CACNA1S: variants seen among roughly 807,000 people sequenced by gnomAD.
CACNA1S encodes voltage-dependent L-type calcium channel subunit alpha-1S.
Under a neutral mutation model 207.4 loss-of-function variants are expected in CACNA1S, and 126 were observed. The observed-to-expected ratio is 0.61, with a 90% CI of 0.53 to 0.70. CACNA1S has a LOEUF of 0.70. Among genes scored for constraint, CACNA1S ranks in the 30% least tolerant of loss-of-function variants. CACNA1S has a pLI of 0.00. For synonymous variants in CACNA1S, 960 were observed against 932.7 expected, an observed-to-expected ratio of 1.03 and a Z score of -0.53; for missense variants, 2,349 against 2,422.8, an observed-to-expected ratio of 0.97 and a Z score of 0.64.
At chr1:201,045,332 A>G (rs1280692832) in intron 38 of CACNA1S, among the ~76,000 whole-genome samples, 1 of 152,210 alleles carries the variant, frequency 6.6e-6, no homozygotes, top group East Asian at 1.9e-4. Context: ...GAGATGAAAG[A>G]GATAAGGCAA....
At position 201,069,183 on chromosome 1, in the gene CACNA1S, A is replaced by G; in HGVS notation, c.2504T>C (p.Phe835Ser). The G allele has an allele frequency of 6.2e-7, 1 of 1,614,176 alleles. No individual in the cohort carries two copies. Among genetic ancestry groups the G allele is most frequent in the African/African-American group, 1.3e-5 (1 of 75,062 alleles). Reference sequence around the variant, plus strand: ...GAAGACAGAGGTGAACCCGATGTCAAAGTGTTTAAGGATCTGGGGACAGGG... The same window carrying G: ...GAAGACAGAGGTGAACCCGATGTCAGAGTGTTTAAGGATCTGGGGACAGGG... ...DSMRNQILKH[F>S]DIGFTSVFTV... The change falls in exon 19 of 44, where the codon TTT becomes TCT. Residue 835 changes from phenylalanine to serine, a missense_variant. Physicochemically the swap from Phe to Ser is radical, Grantham distance 155. Coordinates refer to ENST00000362061, the MANE Select transcript of CACNA1S (RefSeq NM_000069.3).
chr1:201,054,794 G>C (rs899934493), intron 28 of CACNA1S, among the ~76,000 whole-genome samples: 3 of 152,328 alleles, frequency 2.0e-5, no homozygotes, highest in African/African-American at 7.2e-5. Context: ...AAGGAAATAA[G>C]AAGGGGAGGG....
At chr1:201,058,940 G>A (rs953240270) in intron 27 of CACNA1S, among the ~76,000 whole-genome samples, 6 of 152,204 alleles carry the variant, frequency 3.9e-5, no homozygotes, top group Admixed American at 6.5e-5. Flanking sequence ...CTTCAGAGCA[G>A]GCGAGAATGT....
At chr1:201,084,210 G>A (rs1661952465) in intron 9 of CACNA1S, among the ~76,000 whole-genome samples, 1 of 152,114 alleles carries the variant, frequency 6.6e-6, no homozygotes, top group African/African-American at 2.4e-5. Context: ...CCTCATATGT[G>A]CTAGGCACTC....
intron 28 of CACNA1S, among the ~76,000 whole-genome samples, chr1:201,057,792 T>A (rs1369348973): frequency 7.1e-6 from 1 of 141,824 alleles, no homozygotes; most frequent in Non-Finnish European, 1.5e-5. Context: ...GGAGACTCCA[T>A]CTCTATATTT....
At chr1:201,087,168 G>A (rs535497850) in intron 7 of CACNA1S, among the ~76,000 whole-genome samples, 3 of 152,218 alleles carry the variant, frequency 2.0e-5, no homozygotes, top group African/African-American at 4.8e-5. Flanking sequence ...AGTATTTAGT[G>A]CTTATTTTGT....
rs371024880 is a variant in CACNA1S, at chr1:201,078,092, C to T, written c.1406G>A (p.Arg469Gln). The change falls in exon 11 of 44, where the codon CGG (arginine) becomes CAG (glutamine). Residue 469 changes from arginine to glutamine, a missense_variant. Physicochemically the swap from Arg to Gln is conservative, Grantham distance 43. Transcript: ENST00000362061. ...WLTRLQDIAN[R>Q]VLLSLFTTEM... ...AGTGGTGAAGAGGGACAGCAGCACC[C>T]GGTTGGCAATGTCTGTAGGGTTGGT... The T allele has an allele frequency of 1.5e-5, 25 of 1,613,906 alleles. No homozygotes were observed. The highest frequency in any genetic ancestry group is 4.4e-5 in the South Asian group (4 of 91,074).
Position 201,050,465 on chromosome 1 carries a change from G to A in CACNA1S, c.4165C>T (p.Arg1389Trp), listed in dbSNP as rs376052781. Residue 1389 changes from arginine to tryptophan, a missense_variant, in exon 34 of 44, where the codon CGG (arginine) becomes TGG (tryptophan). Coordinates refer to ENST00000362061, the MANE Select transcript of CACNA1S (RefSeq NM_000069.3). ...TGAGGGCCCAGGATGGACCAGTCCC[G>A]GGTGAGGTAGTCAAAATTGTCCATG... is the stretch of plus-strand genomic sequence containing the variant. ...VIMDNFDYLT[R>W]DWSILGPHHL... The A allele has an allele frequency of 6.8e-6, 11 of 1,614,104 alleles. No homozygotes were observed. The highest frequency in any genetic ancestry group is 1.1e-5 in the South Asian group (1 of 91,080).
intron 13 of CACNA1S, 64 bp downstream of exon 13, chr1:201,075,431 T>A: frequency 6.4e-7 from 1 of 1,560,700 alleles, no homozygotes. Flanking sequence ...TTGACCCCCA[T>A]TTTAAGCCCT....
chr1:201,109,242 T>TAAAAAA (rs1663013528), intron 2 of CACNA1S, among the ~76,000 whole-genome samples: 2 of 98,232 alleles, frequency 2.0e-5, no homozygotes, highest in African/African-American at 9.2e-5. Flanking sequence ...AGACTCTGTC[T>TAAAAAA]CAAAAAAAAA....
At chr1:201,041,802 T>A in intron 40 of CACNA1S, 1 of 629,938 alleles carries the variant, frequency 1.6e-6, no homozygotes, top group Non-Finnish European at 2.9e-6. Flanking sequence ...CTGACTCCAC[T>A]CCTTTGCTCA....
chr1:201,098,490 G>C (rs1175145287), intron 2 of CACNA1S, among the ~76,000 whole-genome samples: 2 of 151,920 alleles, frequency 1.3e-5, no homozygotes, highest in African/African-American at 4.8e-5. Flanking sequence ...CCATGTATCA[G>C]GCCATGATGG....
At chr1:201,087,952 C>A in intron 6 of CACNA1S, 23 bp from the exon 7 acceptor site, 1 of 1,513,376 alleles carries the variant, frequency 6.6e-7, no homozygotes, top group Non-Finnish European at 9.2e-7. Context: ...GAAGTGTGAT[C>A]CTCTGAGTTG....
chr1:201,062,573 A>G, intron 22 of CACNA1S, 59 bp from the exon 23 acceptor site: 1 of 1,537,968 alleles, frequency 6.5e-7, no homozygotes, highest in Non-Finnish European at 9.0e-7. Context: ...ACAGGATAGA[A>G]AAGTGGGCTC....
intron 35 of CACNA1S, 114 bp downstream of exon 35, chr1:201,048,889 C>T (rs141185898): frequency 5.0e-5 from 46 of 919,274 alleles, no homozygotes; most frequent in Non-Finnish European, 7.7e-5. Flanking sequence ...AACTTGGGGA[C>T]CCAGGAGATC....
intron 18 of CACNA1S, 116 bp from the exon 19 acceptor site, chr1:201,069,312 G>A (rs542137191): frequency 3.1e-4 from 444 of 1,415,886 alleles, no homozygotes; most frequent in Non-Finnish European, 3.9e-4. Flanking sequence ...AGCCTGTGCC[G>A]TTCAGAAGGA....
intron 19 of CACNA1S, 46 bp from the exon 20 acceptor site, chr1:201,067,039 AG>A (rs1661273741): frequency 7.7e-7 from 1 of 1,296,418 alleles, no homozygotes; most frequent in Non-Finnish European, 1.1e-6. Flanking sequence ...CTTGGAGAAC[AG>A]GCCTGTCTCC....
rs1222596828 is a variant in CACNA1S at position 201,048,573 on chromosome 1, C to T, written c.4441+9G>A. The stretch of plus-strand genomic sequence containing the variant: ...AAAGGAGGGGGCTCACATTGGAAGG[C>T]ACTCTCACCTTCCGTCTTGATCTTG... On this transcript the variant is annotated intron_variant, in intron 36 of 43. Coordinates refer to ENST00000362061, the MANE Select transcript of CACNA1S (RefSeq NM_000069.3). 1 of 1,594,834 alleles carries T rather than the reference C, an allele frequency of 6.3e-7. No homozygotes were observed. Among genetic ancestry groups the T allele is most frequent in the Non-Finnish European group, 8.6e-7 (1 of 1,162,490 alleles).
chr1:201,043,093 C>A (rs1024321371), intron 40 of CACNA1S, 188 bp downstream of exon 40: 18 of 667,460 alleles, frequency 2.7e-5, no homozygotes, highest in African/African-American at 2.1e-4. Context: ...AGGCTTCCCC[C>A]TGCTGGCCAA....
Sources: allele counts gnomAD v4.1 joint callset (sites outside exome capture counted in the v4.1 genomes callset), GRCh38; gene constraint gnomAD v4.1.1; transcripts MANE v1.5; gene names NCBI Gene and HGNC (gene_info 2026-07-23, HGNC 2026-07-21).